Variants in TBX15 observed in about 807,000 individuals in gnomAD.
TBX15 encodes the protein T-box transcription factor 15, also known as T-box transcription factor TBX15.
A neutral mutation model predicts 53.9 loss-of-function variants in TBX15; 18 were observed. The observed-to-expected ratio is 0.33, with a 90% confidence interval of 0.23 to 0.49. TBX15 has a LOEUF of 0.49. TBX15 is among the 20% of genes least tolerant of loss of function. TBX15 has a pLI of 0.98. For missense variants in TBX15, 692 were observed against 749.5 expected, an observed-to-expected ratio of 0.92 and a Z score of 0.90; for synonymous variants, 295 against 278.0, an observed-to-expected ratio of 1.06 and a Z score of -0.61.
intron 1 of TBX15, among the ~76,000 whole-genome samples, chr1:118,951,869 G>A (rs2101657423): frequency 6.6e-6 from 1 of 152,254 alleles, no homozygotes; most frequent in South Asian, 2.1e-4. Flanking sequence ...AGGGTGGGAG[G>A]GCCCTGCTCC....
At chr1:118,921,585 T>G (rs778488623) in intron 5 of TBX15, among the ~76,000 whole-genome samples, 19 of 152,204 alleles carry the variant, frequency 1.2e-4, no homozygotes, top group Non-Finnish European at 2.8e-4. Flanking sequence ...CAGAGCAACA[T>G]GTGTAACTCG....
chr1:118,980,844 C>G (rs945094975), intron 1 of TBX15, among the ~76,000 whole-genome samples: 2 of 149,708 alleles, frequency 1.3e-5, no homozygotes, highest in African/African-American at 4.9e-5. Flanking sequence ...TTTTTTCCTT[C>G]TTTTTTGAGA....
At chr1:118,931,931 AG>A (rs1474020225) in intron 1 of TBX15, 99 bp from the exon 2 acceptor site, 9 of 1,180,752 alleles carry the variant, frequency 7.6e-6, no homozygotes, top group Non-Finnish European at 1.1e-5. Context: ...AAGTGGGGAG[AG>A]GGGTAAACAA....
Position 118,883,268 on chromosome 1 carries a change from T to C in TBX15, c.*1464A>G, listed in dbSNP as rs1653787306. 1 of 152,636 alleles carries C rather than the reference T, an allele frequency of 6.6e-6. No individual in the cohort carries two copies. Among genetic ancestry groups the C allele is most frequent in the Admixed American group, 6.5e-5 (1 of 15,284 alleles). 9.5% of individuals were successfully genotyped at this position (152,636 alleles called of 1,614,324 possible). On this transcript the variant is annotated 3_prime_UTR_variant, in exon 8 of 8. Transcript: ENST00000369429. ...AGAAACTTTAATAATATCTGTATTATTTTACTTGGTATTATTTGCATTTCC... is the reference window on the plus strand; with the variant it reads ...AGAAACTTTAATAATATCTGTATTACTTTACTTGGTATTATTTGCATTTCC...
intron 1 of TBX15, among the ~76,000 whole-genome samples, chr1:118,961,002 G>T (rs1413291380): frequency 6.6e-6 from 1 of 152,182 alleles, no homozygotes; most frequent in African/African-American, 2.4e-5. Context: ...GAAAGGCTGG[G>T]GAGCAAAAGA....
intron 1 of TBX15, among the ~76,000 whole-genome samples, chr1:118,973,296 C>T (rs1353613311): frequency 6.6e-6 from 1 of 152,208 alleles, no homozygotes; most frequent in Non-Finnish European, 1.5e-5. Context: ...CCTCTATCTA[C>T]TGTCTTAGTT....
At chr1:118,981,749 G>C (rs1190028332) in intron 1 of TBX15, among the ~76,000 whole-genome samples, 1 of 152,166 alleles carries the variant, frequency 6.6e-6, no homozygotes, top group Non-Finnish European at 1.5e-5. Flanking sequence ...CTTAGAGCAA[G>C]GGCCTCACTT....
At chr1:118,898,357 A>G (rs1654501228) in intron 7 of TBX15, among the ~76,000 whole-genome samples, 1 of 152,188 alleles carries the variant, frequency 6.6e-6, no homozygotes, top group African/African-American at 2.4e-5. Context: ...TGGGAAAGCT[A>G]CAGACAAGAC....
At chr1:118,926,828 C>T (rs555608193) in intron 2 of TBX15, among the ~76,000 whole-genome samples, 60 of 152,180 alleles carry the variant, frequency 3.9e-4, no homozygotes, top group African/African-American at 1.2e-3. Context: ...GCCTTAGCCT[C>T]CCGAGTAGCT....
chr1:118,944,496 G>C (rs1469779475), intron 1 of TBX15, among the ~76,000 whole-genome samples: 3 of 152,192 alleles, frequency 2.0e-5, no homozygotes, highest in Non-Finnish European at 4.4e-5. Flanking sequence ...TGAAGGGTCA[G>C]AATGACCCTT....
intron 1 of TBX15, among the ~76,000 whole-genome samples, chr1:118,971,805 T>C (rs1657243172): frequency 6.6e-6 from 1 of 152,140 alleles, no homozygotes; most frequent in Non-Finnish European, 1.5e-5. Context: ...TGCCCAAAAG[T>C]CTAACAGTTA....
chr1:118,929,275 T>C, intron 2 of TBX15, among the ~76,000 whole-genome samples: 1 of 152,048 alleles, frequency 6.6e-6, no homozygotes, highest in East Asian at 1.9e-4. Flanking sequence ...GTGACTAAGA[T>C]CATCTAAGTA....
intron 1 of TBX15, among the ~76,000 whole-genome samples, chr1:118,936,250 C>T (rs1655962533): frequency 1.3e-5 from 2 of 152,200 alleles, no homozygotes; most frequent in African/African-American, 4.8e-5. Context: ...CAAAAGCGAA[C>T]CAACTACAAT....
intron 7 of TBX15, 101 bp from the exon 8 acceptor site, chr1:118,885,617 A>G (rs867009079): frequency 2.1e-6 from 3 of 1,427,314 alleles, no homozygotes; most frequent in Middle Eastern, 4.7e-4. Context: ...AATGTCCAAG[A>G]TAGGGCTGAT....
Position 118,956,949 on chromosome 1 carries a change from C to T in TBX15, c.206-25117G>A, listed in dbSNP as rs184975064. ...CTGCACTCCAGCCTGGGCAACAGAG[C>T]GAGACTCCATCTCAAAAAAAAAAAA... On this transcript the variant is annotated intron_variant, in intron 1 of 7. Coordinates refer to ENST00000369429, the MANE Select transcript of TBX15 (RefSeq NM_001330677.2). Among the ~76,000 whole-genome samples the T allele has an allele frequency of 9.8e-4, 128 of 130,730 alleles. 1 individual carries two copies. The highest frequency in any genetic ancestry group is 6.5e-3 in the East Asian group (28 of 4,310). The allele number at this position is 130,730 out of a possible 152,430, so 85.8% of individuals were successfully genotyped here.
chr1:118,889,966 T>C (rs1000340163), intron 7 of TBX15, among the ~76,000 whole-genome samples: 1 of 152,120 alleles, frequency 6.6e-6, no homozygotes, highest in Non-Finnish European at 1.5e-5. Flanking sequence ...TTCTCTTCTA[T>C]GAGAGAAGAG....
At chr1:118,917,609 T>C (rs981402153) in intron 5 of TBX15, among the ~76,000 whole-genome samples, 3 of 152,180 alleles carry the variant, frequency 2.0e-5, no homozygotes, top group African/African-American at 4.8e-5. Flanking sequence ...AAAGGCCCTA[T>C]GTAAGCATGA....
At chr1:118,922,449 T>C (rs930506302) in intron 5 of TBX15, among the ~76,000 whole-genome samples, 1 of 152,174 alleles carries the variant, frequency 6.6e-6, no homozygotes, top group African/African-American at 2.4e-5. Flanking sequence ...AGATGTCAGG[T>C]TTGTGTCAGT....
chr1:118,982,769 C>A (rs377376708), intron 1 of TBX15, among the ~76,000 whole-genome samples: 1 of 152,216 alleles, frequency 6.6e-6, no homozygotes, highest in East Asian at 1.9e-4. Context: ...GTGTCAGCAT[C>A]ATTTCAGTCT....
Sources: gnomAD v4.1 joint callset for allele counts (sites outside exome capture counted in the v4.1 genomes callset) on GRCh38, gnomAD v4.1.1 for gene constraint, MANE v1.5 for transcripts, NCBI Gene and HGNC (gene_info 2026-07-23, HGNC 2026-07-21) for gene names.